Variants in KYAT1 observed in about 807,000 individuals in gnomAD.
KYAT1 encodes kynurenine--oxoglutarate transaminase 1.
KYAT1 carries 47 observed loss-of-function variants against 52.4 expected under a neutral mutation model. That is an observed-to-expected ratio of 0.90 (90% confidence interval 0.71 to 1.14). The LOEUF is 1.14. KYAT1 is among the 50% of genes most tolerant of loss of function. The pLI, the probability that KYAT1 is intolerant of heterozygous loss-of-function variation, is 0.00. For synonymous variants in KYAT1, 212 were observed against 209.6 expected (o/e 1.01, Z -0.10); for missense variants, 480 against 557.9 (o/e 0.86, Z 1.41).
intron 1 of KYAT1, among the ~76,000 whole-genome samples, chr9:128,855,188 C>T (rs937952877): frequency 6.6e-6 from 1 of 152,104 alleles, no homozygotes; most frequent in Non-Finnish European, 1.5e-5. Flanking sequence ...AGACTGGGCC[C>T]CTCAAAACCA....
chr9:128,845,288 A>G (rs1832884867), intron 2 of KYAT1, 65 bp downstream of exon 2: 1 of 1,385,666 alleles, frequency 7.2e-7, no homozygotes, highest in African/African-American at 1.4e-5. Context: ...GTTGCTGTAA[A>G]CCCAGGGATG....
intron 1 of KYAT1, among the ~76,000 whole-genome samples, chr9:128,851,621 T>C (rs748538060): frequency 1.2e-4 from 19 of 152,190 alleles, no homozygotes; most frequent in Non-Finnish European, 2.4e-4. Flanking sequence ...TATGGAATGA[T>C]TGGGCCATTA....
chr9:128,834,766 A>G (rs1176768812), intron 11 of KYAT1, among the ~76,000 whole-genome samples: 3 of 132,444 alleles, frequency 2.3e-5, no homozygotes, highest in African/African-American at 8.7e-5. Flanking sequence ...CTGGAGGTGG[A>G]GGTTGCAGTG....
intron 1 of KYAT1, among the ~76,000 whole-genome samples, chr9:128,870,179 C>T (rs1837035256): frequency 6.6e-6 from 1 of 152,012 alleles, no homozygotes; most frequent in Non-Finnish European, 1.5e-5. Flanking sequence ...AACATGTACA[C>T]AAATGTTTAT....
intron 3 of KYAT1, among the ~76,000 whole-genome samples, chr9:128,839,293 T>C (rs900127223): frequency 9.2e-5 from 14 of 152,048 alleles, no homozygotes; most frequent in South Asian, 6.2e-4. Context: ...GGTAGAAAAA[T>C]AGAGACCCAG....
Position 128,846,810 on chromosome 9 carries a change from T to C in KYAT1, c.-6-1399A>G, listed in dbSNP as rs1434358645. ...TTCCTGTGGGTTTGCCAGTCCCAGATGGCTGGTGGGCCGTGGAGCTGGGGA... is the reference window on the plus strand; with the variant it reads ...TTCCTGTGGGTTTGCCAGTCCCAGACGGCTGGTGGGCCGTGGAGCTGGGGA... On this transcript the variant is annotated intron_variant, in intron 1 of 12. Coordinates refer to ENST00000302586, the MANE Select transcript of KYAT1 (RefSeq NM_004059.5). 4.6e-6 allele frequency: 7 copies of C among 1,535,598 alleles called. No individual in the cohort carries two copies. The East Asian group carries it at 1.5e-4, about 32-fold the overall frequency.
In KYAT1 at chr9:128,835,793, G is replaced by T. The variant is rs368009186; in HGVS notation, c.841C>A (p.Pro281Thr). The change falls in exon 9 of 13, where the codon CCC becomes ACC. Residue 281 changes from proline to threonine, a missense_variant. Physicochemically the swap from Pro to Thr is conservative, Grantham distance 38. Coordinates refer to ENST00000302586, the MANE Select transcript of KYAT1 (RefSeq NM_004059.5). ...CCCCTCTTCACCTGGCTCTGCGTGGGGCAGTGGAAGACGGAGTTCTGGTGC... is the reference window on the plus strand; with the variant it reads ...CCCCTCTTCACCTGGCTCTGCGTGGTGCAGTGGAAGACGGAGTTCTGGTGC... The part of the protein sequence containing the change: ...TVHQNSVFHC[P>T]TQSQAAVAES... The T allele has an allele frequency of 2.2e-5, 36 of 1,613,236 alleles. No individual in the cohort carries two copies. In the African/African-American group the frequency reaches 3.2e-4, roughly 14 times the overall value.
chr9:128,852,662 A>G (rs1834097007), intron 1 of KYAT1, among the ~76,000 whole-genome samples: 1 of 152,230 alleles, frequency 6.6e-6, no homozygotes, highest in African/African-American at 2.4e-5. Context: ...TTATTTGGGA[A>G]TGCAGGTAGA....
Position 128,833,232 on chromosome 9 carries a change from C to T in KYAT1, c.*352G>A. On this transcript the variant is annotated 3_prime_UTR_variant, in exon 13 of 13. Transcript: ENST00000302586. ...CAGGGAAGGTGAGGTTATACCTGAG[C>T]CTTAGCAGGGGCCATGCAGAGCTGG... is the stretch of plus-strand genomic sequence containing the variant. The T allele has an allele frequency of 2.6e-6, 1 of 385,100 alleles. No homozygotes were observed. The highest frequency in any genetic ancestry group is 4.8e-6 in the Non-Finnish European group (1 of 209,430). The allele number at this position is 385,100 out of a possible 1,614,324, so 23.9% of individuals were successfully genotyped here. A position where few individuals can be genotyped will look rare whatever the true frequency, so the allele number is the denominator to read the frequency against.
intron 1 of KYAT1, among the ~76,000 whole-genome samples, chr9:128,873,911 A>C (rs1289802347): frequency 7.0e-6 from 1 of 143,552 alleles, no homozygotes; most frequent in Non-Finnish European, 1.5e-5. Context: ...GCACCACTGC[A>C]CTCCAGCCCG....
intron 1 of KYAT1, among the ~76,000 whole-genome samples, chr9:128,876,731 T>C (rs1165872186): frequency 1.3e-5 from 2 of 149,186 alleles, no homozygotes; most frequent in Admixed American, 6.7e-5. Context: ...TTTTTTTTTT[T>C]TTTCTTGAGA....
At chr9:128,867,228 G>A (rs1418665175) in intron 1 of KYAT1, among the ~76,000 whole-genome samples, 1 of 152,190 alleles carries the variant, frequency 6.6e-6, no homozygotes, top group Non-Finnish European at 1.5e-5. Context: ...CACTCAGTCT[G>A]GAGTGCAGTG....
At chr9:128,847,553 C>T in intron 1 of KYAT1, 2 of 1,497,652 alleles carry the variant, frequency 1.3e-6, no homozygotes, top group Non-Finnish European at 1.8e-6. Flanking sequence ...TGGGGCACTG[C>T]AGACTTTTCC....
chr9:128,840,837 C>G (rs569305189), intron 3 of KYAT1, among the ~76,000 whole-genome samples: 35 of 152,170 alleles, frequency 2.3e-4, no homozygotes, highest in Non-Finnish European at 4.1e-4. Flanking sequence ...ATTATAGGCA[C>G]ACACTGTTTC....
intron 1 of KYAT1, among the ~76,000 whole-genome samples, chr9:128,857,558 T>C (rs954369104): frequency 1.3e-5 from 2 of 152,192 alleles, no homozygotes; most frequent in Non-Finnish European, 2.9e-5. Flanking sequence ...ATGTATGGGC[T>C]GGGGACGGTG....
chr9:128,845,131 G>C (rs1038949435), intron 2 of KYAT1, among the ~76,000 whole-genome samples: 1 of 152,138 alleles, frequency 6.6e-6, no homozygotes, highest in Non-Finnish European at 1.5e-5. Flanking sequence ...ATGAGGCTCA[G>C]AGCAGGTATG....
chr9:128,836,951 T>A (rs1010104984), intron 6 of KYAT1, 29 bp from the exon 7 acceptor site: 3 of 1,603,386 alleles, frequency 1.9e-6, no homozygotes, highest in Non-Finnish European at 2.5e-6. Context: ...AGCACAGACC[T>A]GCAGCTGGGA....
At chr9:128,846,897 C>T in intron 1 of KYAT1, 3 of 1,513,616 alleles carry the variant, frequency 2.0e-6, no homozygotes, top group Middle Eastern at 2.0e-4. Flanking sequence ...GGATTTTGCT[C>T]AGTTCCACCT....
At chr9:128,861,361 T>C (rs1835440872) in intron 1 of KYAT1, among the ~76,000 whole-genome samples, 1 of 152,180 alleles carries the variant, frequency 6.6e-6, no homozygotes, top group African/African-American at 2.4e-5. Flanking sequence ...TAAAGAGCTT[T>C]TCCCCCTTTG....
Sources: gnomAD v4.1 joint callset for allele counts (sites outside exome capture counted in the v4.1 genomes callset) on GRCh38, gnomAD v4.1.1 for gene constraint, MANE v1.5 for transcripts, NCBI Gene and HGNC (gene_info 2026-07-23, HGNC 2026-07-21) for gene names.